The following FOCAD variants were observed in gnomAD, a reference collection of about 807,000 sequenced individuals.
The protein encoded by FOCAD is KIAA1797.
Under a neutral mutation model 225.6 loss-of-function variants are expected in FOCAD, and 198 were observed. That is an observed-to-expected ratio of 0.88 (90% CI 0.78 to 0.99). The LOEUF (loss-of-function observed/expected upper bound fraction) is 0.99. Ranked by LOEUF, FOCAD falls within the 50% of genes least tolerant of loss-of-function variation. The pLI, the probability that FOCAD is intolerant of heterozygous loss-of-function variation, is 0.00. For synonymous variants in FOCAD, 897 were observed against 755.0 expected (o/e 1.19, Z -3.08); for missense variants, 2,713 against 2,123.6 (o/e 1.28, Z -5.46).
rs369250954 is a variant in FOCAD, at chr9:20,893,612, A to C, written c.2625+8382A>C. Among the ~76,000 whole-genome samples the C allele has an allele frequency of 1.7e-4, 26 of 152,244 alleles. No individual in the cohort carries two copies. In the East Asian group the frequency reaches 2.5e-3, roughly 15 times the overall value. On this transcript the variant is annotated intron_variant, in intron 21 of 43. Coordinates refer to ENST00000338382, the MANE Select transcript of FOCAD (RefSeq NM_001375567.1). ...TTCTATACCCTTCACAATGGCTACA[A>C]CTACATGAGAGTGAGTGAGCGAGTG... is the stretch of plus-strand genomic sequence containing the variant.
Position 20,916,785 on chromosome 9 carries a change from T to C in FOCAD, c.2808-108T>C, listed in dbSNP as rs115485764. 8.4e-4 allele frequency: 826 copies of C among 980,346 alleles called. 4 individuals carry two copies. In the African/African-American group the frequency reaches 0.012, roughly 15 times the overall value. The allele number at this position is 980,346 out of a possible 1,614,324, so 60.7% of individuals were successfully genotyped here. On this transcript the variant is annotated intron_variant, in intron 23 of 43. Coordinates refer to ENST00000338382, the MANE Select transcript of FOCAD (RefSeq NM_001375567.1). ...ATACTGAAATTCTACCTGTATAGTT[T>C]TAAGATCTGGAGCCATTGCTGGAGG...
At chr9:20,777,598 A>T (rs1034753640) in intron 8 of FOCAD, among the ~76,000 whole-genome samples, 1 of 152,132 alleles carries the variant, frequency 6.6e-6, no homozygotes, top group African/African-American at 2.4e-5. Context: ...TGCTTAATGA[A>T]TTACGGTAAT....
At chr9:20,691,194 T>A (rs1822955180) in intron 1 of FOCAD, among the ~76,000 whole-genome samples, 1 of 152,050 alleles carries the variant, frequency 6.6e-6, no homozygotes, top group Non-Finnish European at 1.5e-5. Flanking sequence ...CCACCTGCCT[T>A]GGCCTCCCAA....
chr9:20,854,017 G>A lies in FOCAD; in HGVS notation c.1921-8561G>A, dbSNP rs574948600. Among the ~76,000 whole-genome samples the A allele has an allele frequency of 8.6e-5, 13 of 151,864 alleles. 1 individual carries two copies. The South Asian group carries it at 1.9e-3, about 22-fold the overall frequency. ...AATTAGCTTAAGAGGGCTTCACTGC[G>A]TGATGATGACTTGAGTCCTTTAATT... On this transcript the variant is annotated intron_variant, in intron 15 of 43. Coordinates refer to ENST00000338382, the MANE Select transcript of FOCAD (RefSeq NM_001375567.1).
At chr9:20,851,908 C>T (rs1252932605) in intron 15 of FOCAD, among the ~76,000 whole-genome samples, 2 of 151,852 alleles carry the variant, frequency 1.3e-5, no homozygotes, top group African/African-American at 2.4e-5. Context: ...TCCATGGCTG[C>T]TTTCTTGCTA....
intron 26 of FOCAD, among the ~76,000 whole-genome samples, chr9:20,928,333 TA>T (rs1362157392): frequency 6.6e-6 from 1 of 152,216 alleles, no homozygotes; most frequent in African/African-American, 2.4e-5. Context: ...ACATTATCAT[TA>T]AAACAGTGCT....
chr9:20,829,436 G>A (rs986898048), intron 15 of FOCAD, among the ~76,000 whole-genome samples: 3 of 151,442 alleles, frequency 2.0e-5, no homozygotes, highest in Non-Finnish European at 2.9e-5. Flanking sequence ...TCAAACTATA[G>A]CCATCCTAAT....
At chr9:20,661,830 C>A (rs536443164) in intron 2 of FOCAD, among the ~76,000 whole-genome samples, 2 of 152,144 alleles carry the variant, frequency 1.3e-5, no homozygotes, top group South Asian at 4.1e-4. Flanking sequence ...TAGGCAGGTA[C>A]AAAATGATGT....
At chr9:20,790,403 A>T (rs991359809) in intron 11 of FOCAD, among the ~76,000 whole-genome samples, 1 of 152,200 alleles carries the variant, frequency 6.6e-6, no homozygotes, top group East Asian at 1.9e-4. Flanking sequence ...GAAACCTTCC[A>T]TCTCCCAATG....
chr9:20,946,591 A>G, intron 29 of FOCAD, 110 bp from the exon 30 acceptor site: 1 of 1,209,888 alleles, frequency 8.3e-7, no homozygotes, highest in East Asian at 2.5e-5. Flanking sequence ...AATGTATGTG[A>G]ATCCAATTCT....
intron 1 of FOCAD, among the ~76,000 whole-genome samples, chr9:20,685,196 A>ATTTTTTTTTTTTTTTTTTTTT (rs397959541): frequency 4.2e-5 from 6 of 143,060 alleles, no homozygotes; most frequent in African/African-American, 1.1e-4. Context: ...TGAGTTGGAA[A>ATTTTTTTTTTTTTTTTTTTTT]TTTTTTTTTT....
chr9:20,794,876 A>G (rs1464978001), intron 11 of FOCAD, among the ~76,000 whole-genome samples: 1 of 152,076 alleles, frequency 6.6e-6, no homozygotes, highest in Non-Finnish European at 1.5e-5. Flanking sequence ...CCCTTTTTAG[A>G]TTTGTGAGAA....
chr9:20,991,763 C>T (rs561980331), intron 42 of FOCAD, among the ~76,000 whole-genome samples: 28 of 136,740 alleles, frequency 2.0e-4, no homozygotes, highest in Middle Eastern at 9.1e-3. Flanking sequence ...CAGTGAGTCG[C>T]AATCCCTCCG....
rs1025162213 is a variant in FOCAD, at chr9:20,764,890, A to T, written c.516A>T (p.Gln172His). The change falls in exon 7 of 44, where the codon CAA becomes CAT. Residue 172 changes from glutamine (Q) to histidine (H), a missense_variant. Coordinates refer to ENST00000338382, the MANE Select transcript of FOCAD (RefSeq NM_001375567.1). ...CPERLEVSCI[Q>H]IMAPFLWYLY... ...ATAGGTTAGAAGTTTCATGCATTCA[A>T]ATAATGGCACCATTTCTGTGGTATC... 1.2e-6 allele frequency: 2 copies of T among 1,613,908 alleles called. No individual in the cohort carries two copies. The highest frequency in any genetic ancestry group is 2.2e-5 in the East Asian group (1 of 44,884).
chr9:20,777,457 T>C (rs1818880101), intron 8 of FOCAD, among the ~76,000 whole-genome samples: 1 of 152,120 alleles, frequency 6.6e-6, no homozygotes, highest in East Asian at 1.9e-4. Flanking sequence ...AAACCTCAAA[T>C]AACATGTCTC....
chr9:20,731,710 C>T (rs895619270), intron 4 of FOCAD, among the ~76,000 whole-genome samples: 29 of 152,006 alleles, frequency 1.9e-4, no homozygotes, highest in Non-Finnish European at 3.8e-4. Flanking sequence ...CTCTCCCTCC[C>T]GGGTTCAAGC....
rs1253882127 is a variant in FOCAD at position 20,753,423 on chromosome 9, G to C, written c.393-4667G>C. The stretch of plus-strand genomic sequence containing the variant: ...TCTGCATCTATTGAGATAATCATGT[G>C]GTTTTTGTCTTTGGTTCTGTTTATA... On this transcript the variant is annotated intron_variant, in intron 5 of 43. Transcript: ENST00000338382. Among the ~76,000 whole-genome samples, 9 of 151,942 alleles carry C rather than the reference G, an allele frequency of 5.9e-5. 1 individual carries two copies. In the South Asian group the frequency reaches 1.9e-3, roughly 32 times the overall value.
At chr9:20,848,809 A>G (rs1405246469) in intron 15 of FOCAD, among the ~76,000 whole-genome samples, 1 of 151,886 alleles carries the variant, frequency 6.6e-6, no homozygotes, top group Non-Finnish European at 1.5e-5. Flanking sequence ...GAATGAAGAC[A>G]TGGCTGTACT....
intron 2 of FOCAD, among the ~76,000 whole-genome samples, chr9:20,678,370 C>G (rs539084062): frequency 6.6e-6 from 1 of 152,144 alleles, no homozygotes; most frequent in African/African-American, 2.4e-5. Context: ...CCTAGACCAG[C>G]CAAGCTTTAA....
Sources: allele counts gnomAD v4.1 joint callset (sites outside exome capture counted in the v4.1 genomes callset), GRCh38; gene constraint gnomAD v4.1.1; transcripts MANE v1.5; gene names NCBI Gene and HGNC (gene_info 2026-07-23, HGNC 2026-07-21).